WDFY3: variants seen among roughly 807,000 people sequenced by gnomAD.
WDFY3 encodes the protein WD repeat and FYVE domain containing 3.
Under a neutral mutation model 409.6 loss-of-function variants are expected in WDFY3, and 66 were observed. The ratio of observed to expected loss-of-function variants is 0.16; its 90% CI spans 0.13 to 0.20. The LOEUF (loss-of-function observed/expected upper bound fraction) is 0.20. Ranked by LOEUF, WDFY3 falls within the 10% of genes least tolerant of loss-of-function variation. WDFY3 has a pLI of 1.00. For missense variants in WDFY3, 3,031 were observed against 4,298.1 expected, an observed-to-expected ratio of 0.71 and a Z score of 8.24; for synonymous variants, 1,521 against 1,537.1, an observed-to-expected ratio of 0.99 and a Z score of 0.25.
Position 84,737,319 on chromosome 4 carries a change from T to C in WDFY3, c.6622A>G (p.Ile2208Val), listed in dbSNP as rs762273110. The change falls in exon 41 of 68, where the codon ATA becomes GTA. Residue 2208 changes from isoleucine (I) to valine (V), a missense_variant. Coordinates refer to ENST00000295888, the MANE Select transcript of WDFY3 (RefSeq NM_014991.6). ...KAVNRVWTEL[I>V]HSKKQVLEEL... ...TCTAAGACTTGTTTCTTACTATGTA[T>C]CAGTTCAGTCCAAACTCTGTTGACA... The C allele has an allele frequency of 6.2e-6, 10 of 1,612,708 alleles. No individual in the cohort carries two copies. Among genetic ancestry groups the C allele is most frequent in the Admixed American group, 1.7e-5 (1 of 59,834 alleles).
chr4:84,922,303 C>T (rs1769393426), intron 2 of WDFY3, among the ~76,000 whole-genome samples: 1 of 152,062 alleles, frequency 6.6e-6, no homozygotes, highest in South Asian at 2.1e-4. Context: ...AAAAAGCTTG[C>T]TTCTTATATT....
intron 3 of WDFY3, among the ~76,000 whole-genome samples, chr4:84,869,286 T>C (rs1761855467): frequency 6.6e-6 from 1 of 152,236 alleles, no homozygotes; most frequent in Admixed American, 6.5e-5. Context: ...TGGTCTTCAC[T>C]AGAATCACTT....
intron 26 of WDFY3, among the ~76,000 whole-genome samples, chr4:84,779,200 A>C (rs1411053929): frequency 6.6e-6 from 1 of 152,218 alleles, no homozygotes; most frequent in African/African-American, 2.4e-5. Context: ...ACGCTGCAAT[A>C]ATCATTTTGA....
At chr4:84,929,913 A>G (rs1438926930) in intron 2 of WDFY3, among the ~76,000 whole-genome samples, 3 of 151,794 alleles carry the variant, frequency 2.0e-5, no homozygotes, top group Admixed American at 2.0e-4. Context: ...CTTCGCTTAA[A>G]AAAAAAAAAA....
At chr4:84,849,810 A>G in intron 5 of WDFY3, 92 bp downstream of exon 5, 1 of 1,531,732 alleles carries the variant, frequency 6.5e-7, no homozygotes, top group Admixed American at 2.0e-5. Flanking sequence ...TGCTGAGAAC[A>G]AGGTCTGTTT....
In WDFY3 at chr4:84,826,896, T is replaced by C; in HGVS notation, c.1042A>G (p.Ser348Gly). Residue 348 changes from serine to glycine, a missense_variant, in exon 10 of 68, where the codon AGT (serine) becomes GGT (glycine). Coordinates refer to ENST00000295888, the MANE Select transcript of WDFY3 (RefSeq NM_014991.6). ...GTAATACCAGCTGGTTTTAGTTCAC[T>C]GACACCATATGTTGTTAGGGAAGTT... is the stretch of plus-strand genomic sequence containing the variant. ...LITSLTTYGV[S>G]ELKPAGITTG... The C allele has an allele frequency of 6.2e-7, 1 of 1,611,108 alleles. No homozygotes were observed. The highest frequency in any genetic ancestry group is 8.5e-7 in the Non-Finnish European group (1 of 1,179,274).
chr4:84,730,702 T>C (rs1424497457), intron 44 of WDFY3, among the ~76,000 whole-genome samples: 1 of 152,138 alleles, frequency 6.6e-6, no homozygotes, highest in Non-Finnish European at 1.5e-5. Flanking sequence ...TCCAATCTTT[T>C]TGCTTCCTAG....
At chr4:84,794,385 G>T in intron 21 of WDFY3, 134 bp downstream of exon 21, 2 of 925,296 alleles carry the variant, frequency 2.2e-6, no homozygotes, top group Non-Finnish European at 3.1e-6. Flanking sequence ...AATATTCAAT[G>T]TTTTATGTAA....
At chr4:84,954,592 A>T (rs1774010498) in intron 1 of WDFY3, among the ~76,000 whole-genome samples, 1 of 152,190 alleles carries the variant, frequency 6.6e-6, no homozygotes, top group African/African-American at 2.4e-5. Flanking sequence ...ATTTTTAGTA[A>T]ACAGTCTTAG....
chr4:84,850,052 T>C (rs779376231), intron 4 of WDFY3, 27 bp from the exon 5 acceptor site: 1 of 1,546,940 alleles, frequency 6.5e-7, no homozygotes, highest in Admixed American at 2.2e-5. Context: ...ACATTGTTAA[T>C]GAAGCACTGA....
At chr4:84,688,558 A>G (rs1728712036) in intron 61 of WDFY3, among the ~76,000 whole-genome samples, 1 of 152,176 alleles carries the variant, frequency 6.6e-6, no homozygotes, top group African/African-American at 2.4e-5. Context: ...AGAGGGAATG[A>G]CAACCACAAC....
intron 2 of WDFY3, among the ~76,000 whole-genome samples, chr4:84,914,680 G>A (rs1056801283): frequency 2.0e-5 from 3 of 152,098 alleles, no homozygotes; most frequent in South Asian, 4.1e-4. Flanking sequence ...CCAAAAAAAT[G>A]GAAAATAACA....
At chr4:84,835,421 G>A (rs1392286836) in intron 7 of WDFY3, among the ~76,000 whole-genome samples, 1 of 152,128 alleles carries the variant, frequency 6.6e-6, no homozygotes, top group Non-Finnish European at 1.5e-5. Context: ...GAATCAGATA[G>A]ATCTGAGTTC....
At position 84,678,283 on chromosome 4, in the gene WDFY3, G is replaced by A; in HGVS notation, c.10148-4C>T. 6.2e-7 allele frequency: 1 copy of A among 1,607,082 alleles called. No homozygotes were observed. Among genetic ancestry groups the A allele is most frequent in the Non-Finnish European group, 8.5e-7 (1 of 1,173,578 alleles). On this transcript the variant is annotated splice_region_variant and splice_polypyrimidine_tract_variant and intron_variant, in intron 65 of 67. Transcript: ENST00000295888. ...AGCTGCCGTTCCCATCGGTACCCTG[G>A]AATGGAGAAGTGGAGGACACAACAT...
intron 54 of WDFY3, 150 bp from the exon 55 acceptor site, chr4:84,704,594 G>T: frequency 1.8e-6 from 1 of 554,222 alleles, no homozygotes. Flanking sequence ...GAAAACTTCA[G>T]GACACCACTA....
intron 1 of WDFY3, among the ~76,000 whole-genome samples, chr4:84,950,813 C>A (rs147796158): frequency 1.3e-5 from 2 of 152,054 alleles, no homozygotes; most frequent in Non-Finnish European, 2.9e-5. Context: ...AGTTTCAGCA[C>A]ACAAAGTAGA....
At chr4:84,783,179 T>C in intron 24 of WDFY3, 105 bp from the exon 25 acceptor site, 1 of 1,035,722 alleles carries the variant, frequency 9.7e-7, no homozygotes, top group Non-Finnish European at 1.4e-6. Flanking sequence ...TTTTCTCTCC[T>C]CCCTTATCAG....
In WDFY3 at chr4:84,752,279, C is replaced by T. The variant is rs1048007017; in HGVS notation, c.5740-563G>A. Among the ~76,000 whole-genome samples, 4 of 151,976 alleles carry T rather than the reference C, an allele frequency of 2.6e-5. No homozygotes were observed. In the South Asian group the frequency reaches 6.2e-4, roughly 24 times the overall value. The stretch of plus-strand genomic sequence containing the variant: ...CTGTAATCCCAGCACTTTGGGAGGC[C>T]GACATAGGCAGATCACCTGAGATCA... On this transcript the variant is annotated intron_variant, in intron 35 of 67. Coordinates refer to ENST00000295888, the MANE Select transcript of WDFY3 (RefSeq NM_014991.6).
At chr4:84,786,424 A>G (rs1747559149) in intron 23 of WDFY3, among the ~76,000 whole-genome samples, 1 of 152,194 alleles carries the variant, frequency 6.6e-6, no homozygotes, top group Non-Finnish European at 1.5e-5. Flanking sequence ...TATCTGACAA[A>G]CTGTAAAACA....
Sources: gnomAD v4.1 joint callset for allele counts (sites outside exome capture counted in the v4.1 genomes callset) on GRCh38, gnomAD v4.1.1 for gene constraint, MANE v1.5 for transcripts, NCBI Gene and HGNC (gene_info 2026-07-23, HGNC 2026-07-21) for gene names.